AFDN: variants seen among roughly 807,000 people sequenced by gnomAD.
The protein encoded by AFDN is afadin, adherens junction formation factor.
A neutral mutation model predicts 216.6 loss-of-function variants in AFDN; 68 were observed. The observed-to-expected ratio is 0.31, with a 90% CI of 0.26 to 0.38. The LOEUF is 0.38. Ranked by LOEUF, AFDN falls within the 10% of genes least tolerant of loss-of-function variation. AFDN has a pLI of 1.00. For synonymous variants in AFDN, 868 were observed against 853.7 expected (o/e 1.02, Z -0.29); for missense variants, 2,136 against 2,342.0 (o/e 0.91, Z 1.82).
chr6:167,915,064 G>A (rs3213589), intron 18 of AFDN, 104 bp from the exon 19 acceptor site: 504,111 of 1,162,692 alleles, frequency 0.43, 115,859 homozygotes, highest in East Asian at 0.8. Context: ...GTAATTAAAC[G>A]GCACTTACTA....
rs2128745850 is a variant in AFDN, at chr6:167,962,344, A to G, written c.4834-89A>G. On this transcript the variant is annotated intron_variant, in intron 30 of 33. Transcript: ENST00000683244. The surrounding 1 kb of genome is among the most constrained non-coding windows in gnomAD (Gnocchi z 5.2). ...ACTTTCTGTGTGTGTGTGTTTGTGT[A>G]TATGTGTGTCTACTTGTCTTAATGT... is the stretch of plus-strand genomic sequence containing the variant. 2.6e-6 allele frequency: 4 copies of G among 1,550,830 alleles called. No homozygotes were observed. The highest frequency in any genetic ancestry group is 2.6e-6 in the Non-Finnish European group (3 of 1,137,274).
intron 32 of AFDN, 58 bp downstream of exon 32, chr6:167,966,103 T>C (rs1339049649): frequency 1.3e-6 from 2 of 1,536,466 alleles, no homozygotes; most frequent in African/African-American, 1.4e-5. Context: ...CCTGCCCCTC[T>C]TAAACCACGG....
chr6:167,839,869 C>T (rs1858670), intron 1 of AFDN, among the ~76,000 whole-genome samples: 135,395 of 152,248 alleles, frequency 0.89, 60,367 homozygotes, highest in Non-Finnish European at 0.92. Context: ...ACTGGAGTCT[C>T]TAGATGAGAA....
chr6:167,836,880 G>A (rs1780501833), intron 1 of AFDN, among the ~76,000 whole-genome samples: 1 of 152,158 alleles, frequency 6.6e-6, no homozygotes, highest in South Asian at 2.1e-4. Context: ...TTGTAAAGCA[G>A]CTAAGCTTTC....
chr6:167,907,758 T>C (rs1174204695), intron 13 of AFDN, among the ~76,000 whole-genome samples: 4 of 152,190 alleles, frequency 2.6e-5, no homozygotes, highest in Non-Finnish European at 4.4e-5. Context: ...TGTGTCTCCC[T>C]GTGGAGATAG....
intron 23 of AFDN, among the ~76,000 whole-genome samples, chr6:167,933,536 T>C (rs941879961): frequency 7.9e-5 from 12 of 152,344 alleles, no homozygotes; most frequent in African/African-American, 2.6e-4. Context: ...TCCGGGTTCC[T>C]TTTTAGTCAG....
chr6:167,860,668 ACCTGTTCATGT>A (rs1783456880), intron 1 of AFDN, among the ~76,000 whole-genome samples: 1 of 152,152 alleles, frequency 6.6e-6, no homozygotes, highest in African/African-American at 2.4e-5. Flanking sequence ...TGAAATGTGA[ACCTGTTCATGT>A]CCTGTTGCAG....
In AFDN at chr6:167,917,227, C is replaced by T. The variant is rs776283259; in HGVS notation, c.2704C>T (p.Pro902Ser). 6.3e-7 allele frequency: 1 copy of T among 1,589,798 alleles called. No individual in the cohort carries two copies. Among genetic ancestry groups the T allele is most frequent in the East Asian group, 2.3e-5 (1 of 43,974 alleles). ...YHCAPDEPFI[P>S]TDLIENVVTV... ...CTGTGCACCTGATGAGCCTTTTATCCCAACGGTGAGTGGATGTTGCCACAT... is the reference window on the plus strand; with the variant it reads ...CTGTGCACCTGATGAGCCTTTTATCTCAACGGTGAGTGGATGTTGCCACAT... The change falls in exon 20 of 34, where the codon CCA becomes TCA. Residue 902 changes from proline to serine, a missense_variant. Transcript: ENST00000683244.
chr6:167,948,752 AT>A (rs1795629550), intron 29 of AFDN, among the ~76,000 whole-genome samples: 1 of 152,254 alleles, frequency 6.6e-6, no homozygotes, highest in Non-Finnish European at 1.5e-5. Context: ...GAAGTGAGAA[AT>A]TAGAACTCAA....
chr6:167,917,333 A>G (rs1030045682), intron 20 of AFDN, 101 bp downstream of exon 20: 47 of 1,200,602 alleles, frequency 3.9e-5, no homozygotes, highest in Non-Finnish European at 5.3e-5. Flanking sequence ...ACGTTAACTT[A>G]TTTATTCTCA....
At chr6:167,935,823 C>T (rs1038881051) in intron 23 of AFDN, among the ~76,000 whole-genome samples, 4 of 151,216 alleles carry the variant, frequency 2.6e-5, no homozygotes, top group African/African-American at 7.3e-5. Flanking sequence ...GTAATGTTAG[C>T]ATGTAAATTA....
chr6:167,894,593 A>G (rs1183091749), intron 9 of AFDN, among the ~76,000 whole-genome samples: 1 of 152,122 alleles, frequency 6.6e-6, no homozygotes, highest in Admixed American at 6.5e-5. Flanking sequence ...TGTGGCCACC[A>G]TTTAGGTTCT....
rs374243821 is a variant in AFDN at position 167,936,149 on chromosome 6, T to A, written c.3100-6980T>A. Reference sequence around the variant, plus strand: ...TTTTTTCCATACTAAGTCTCTGCATTTCCATATTTCAGTTTGGATGAGCCA... The same window carrying A: ...TTTTTTCCATACTAAGTCTCTGCATATCCATATTTCAGTTTGGATGAGCCA... On this transcript the variant is annotated intron_variant, in intron 23 of 33. Transcript: ENST00000683244. 5.3e-5 allele frequency among the ~76,000 whole-genome samples: 8 copies of A among 152,360 alleles called. No homozygotes were observed. The East Asian group carries it at 1.2e-3, about 22-fold the overall frequency.
chr6:167,934,325 TG>T (rs1371621853), intron 23 of AFDN, among the ~76,000 whole-genome samples: 1 of 152,176 alleles, frequency 6.6e-6, no homozygotes, highest in Non-Finnish European at 1.5e-5. Flanking sequence ...CCAAACCTGC[TG>T]GGGGTAACTT....
intron 1 of AFDN, among the ~76,000 whole-genome samples, chr6:167,854,153 A>G (rs1782628808): frequency 6.6e-6 from 1 of 151,888 alleles, no homozygotes; most frequent in Non-Finnish European, 1.5e-5. Flanking sequence ...ATGGCATTTT[A>G]CTATTAGTAT....
chr6:167,853,232 T>C (rs928948252), intron 1 of AFDN, among the ~76,000 whole-genome samples: 5 of 152,114 alleles, frequency 3.3e-5, no homozygotes, highest in African/African-American at 1.2e-4. Context: ...TATATCTCTT[T>C]TCTCTTACAT....
At chr6:167,866,233 A>G (rs1295293636) in intron 2 of AFDN, among the ~76,000 whole-genome samples, 2 of 152,152 alleles carry the variant, frequency 1.3e-5, no homozygotes, top group Non-Finnish European at 2.9e-5. Context: ...TGATTTTTTA[A>G]AGAAAAGGGT....
In AFDN at chr6:167,969,846, C is replaced by A; in HGVS notation, c.5407C>A (p.Arg1803Ser). 2 of 1,613,066 alleles carry A rather than the reference C, an allele frequency of 1.2e-6. No individual in the cohort carries two copies. Among genetic ancestry groups the A allele is most frequent in the Non-Finnish European group, 1.7e-6 (2 of 1,179,634 alleles). The stretch of plus-strand genomic sequence containing the variant: ...AAACTTGACATTCAAGGAACGCCAG[C>A]GTCTTTTTTCACAAGGTCAAGATGT... ...PENLTFKERQ[R>S]LFSQGQDVSN... Residue 1803 changes from arginine (R) to serine (S), a missense_variant, in exon 34 of 34, where the codon CGT becomes AGT. By Grantham distance (110) the Arg-to-Ser change is moderately radical (BLOSUM62 -1). Coordinates refer to ENST00000683244, the MANE Select transcript of AFDN (RefSeq NM_001386888.1).
In AFDN at chr6:167,970,177, C is replaced by G. The variant is rs540576054; in HGVS notation, c.*242C>G. The G allele has an allele frequency of 2.4e-6, 1 of 421,604 alleles. No homozygotes were observed. 26.1% of individuals were successfully genotyped at this position (421,604 alleles called of 1,614,324 possible). On this transcript the variant is annotated 3_prime_UTR_variant, in exon 34 of 34. Transcript: ENST00000683244. Reference sequence around the variant, plus strand: ...TAGTTTCTTAATTATCTAACTCACACGAGGGTAAGTTTTTTGTTGGTTTCT... The same window carrying G: ...TAGTTTCTTAATTATCTAACTCACAGGAGGGTAAGTTTTTTGTTGGTTTCT...
Sources: gnomAD v4.1 joint callset for allele counts (sites outside exome capture counted in the v4.1 genomes callset) on GRCh38, gnomAD v4.1.1 for gene constraint, Gnocchi (gnomAD v3.1) non-coding constraint, MANE v1.5 for transcripts, NCBI Gene and HGNC (gene_info 2026-07-23, HGNC 2026-07-21) for gene names.